ZNF799: variants seen among roughly 807,000 people sequenced by gnomAD.
The protein encoded by ZNF799 is zinc finger protein 799.
ZNF799 carries 28 observed loss-of-function variants against 41.0 expected under a neutral mutation model. The ratio of observed to expected loss-of-function variants is 0.68; its 90% CI spans 0.51 to 0.94. The LOEUF (loss-of-function observed/expected upper bound fraction) is 0.94. ZNF799 is among the 40% of genes least tolerant of loss of function. ZNF799 has a pLI of 0.00. For missense variants in ZNF799, 716 were observed against 764.3 expected, an observed-to-expected ratio of 0.94 and a Z score of 0.74; for synonymous variants, 213 against 252.9, an observed-to-expected ratio of 0.84 and a Z score of 1.50.
At position 12,391,084 on chromosome 19, in the gene ZNF799, CCTTCGAAGAGAACTGGAAATACGGTAGG is replaced by C. The variant is rs1969805569; in HGVS notation, c.1286_1313del (p.Ala429GlyfsTer82). 6.2e-7 allele frequency: 1 copy of C among 1,613,934 alleles called. No homozygotes were observed. The highest frequency in any genetic ancestry group is 8.5e-7 in the Non-Finnish European group (1 of 1,180,004). The stretch of plus-strand genomic sequence containing the variant: ...TCTCTCCAGTATGAGTTGTTTCATG[CCTTCGAAGAGAACTGGAAATACGGTAGG>C]CTTTGCCACATTGTTTACATTTATA... On this transcript the variant is annotated frameshift_variant, in exon 4 of 4. Transcript: ENST00000430385. LOFTEE classifies it high-confidence loss of function.
At chr19:12,407,985 T>G in the ZNF799 span, among the ~76,000 whole-genome samples, 2 of 152,224 alleles carry the variant, frequency 1.3e-5, no homozygotes, top group South Asian at 4.1e-4. Context: ...AGTGAAACCC[T>G]GTCTCTATAA....
At position 12,390,951 on chromosome 19, in the gene ZNF799, T is replaced by G; in HGVS notation, c.1447A>C (p.Lys483Gln). The change falls in exon 4 of 4, where the codon AAA becomes CAA. Residue 483 changes from lysine (K) to glutamine (Q), a missense_variant. Around this residue, in one of 2 missense-constraint regions of ZNF799, gnomAD observed 698 missense variants for 713.6 expected, o/e 0.98. Transcript: ENST00000430385. ...AGGTATTGGAAACAACTGAATGCTT[T>G]CCCACATTCCTTACACTCATATGGC... is the stretch of plus-strand genomic sequence containing the variant. ...EKPYECKECGKAFSCFQYLSQ... is the reference protein window; with the variant it reads ...EKPYECKECGQAFSCFQYLSQ... 6.2e-7 allele frequency: 1 copy of G among 1,614,136 alleles called. No individual in the cohort carries two copies. Among genetic ancestry groups the G allele is most frequent in the East Asian group, 2.2e-5 (1 of 44,878 alleles).
chr19:12,403,706 C>G (rs143329787), upstream of ZNF799, among the ~76,000 whole-genome samples: 274 of 152,224 alleles, frequency 1.8e-3, 3 homozygotes, highest in Admixed American at 0.012. Context: ...GCACCCACCA[C>G]CATGTCTGGT....
intron 1 of ZNF799, among the ~76,000 whole-genome samples, chr19:12,398,992 A>G (rs1187691641): frequency 2.0e-5 from 3 of 152,212 alleles, no homozygotes; most frequent in Non-Finnish European, 4.4e-5. Context: ...TACTTATACA[A>G]TTTATTTTCT....
chr19:12,394,618 T>A (rs1638617074), intron 1 of ZNF799: 1 of 985,106 alleles, frequency 1.0e-6, no homozygotes, highest in African/African-American at 1.7e-5. Flanking sequence ...TTACACCACC[T>A]CAAAGGAAAA....
the ZNF799 span, among the ~76,000 whole-genome samples, chr19:12,407,482 AG>A: frequency 6.1e-4 from 92 of 150,504 alleles, no homozygotes; most frequent in African/African-American, 2.1e-3. Flanking sequence ...AGAGAGAGAG[AG>A]AGAAAAAAAA....
upstream of ZNF799, among the ~76,000 whole-genome samples, chr19:12,403,556 T>A (rs1321581736): frequency 7.2e-6 from 1 of 139,808 alleles, no homozygotes; most frequent in Non-Finnish European, 1.5e-5. Context: ...TTCTTCTTCT[T>A]TTTTTTTTTG....
chr19:12,390,154 T>C lies in ZNF799; in HGVS notation c.*312A>G. ...CCTAAACAATACAATAGAACAACTA[T>C]TTGCATAGCTTTTACAATGCATGAG... is the stretch of plus-strand genomic sequence containing the variant. On this transcript the variant is annotated 3_prime_UTR_variant, in exon 4 of 4. Transcript: ENST00000430385. 2.0e-6 allele frequency: 1 copy of C among 490,868 alleles called. No individual in the cohort carries two copies. The highest frequency in any genetic ancestry group is 3.6e-6 in the Non-Finnish European group (1 of 277,684). The allele number at this position is 490,868 out of a possible 1,614,324, so 30.4% of individuals were successfully genotyped here.
the ZNF799 span, among the ~76,000 whole-genome samples, chr19:12,411,855 T>C: frequency 2.6e-5 from 4 of 152,096 alleles, no homozygotes; most frequent in African/African-American, 9.7e-5. Context: ...TCAAGTGATC[T>C]GCCAGCCTCA....
intron 1 of ZNF799, 134 bp downstream of exon 1, chr19:12,400,934 G>A: frequency 1.9e-6 from 3 of 1,544,414 alleles, no homozygotes; most frequent in Non-Finnish European, 2.7e-6. Flanking sequence ...GCCGAGGGCC[G>A]ACCTACGCCA....
chr19:12,400,881 A>G, intron 1 of ZNF799, 187 bp downstream of exon 1: 1 of 1,035,542 alleles, frequency 9.7e-7, no homozygotes, highest in Non-Finnish European at 1.4e-6. Flanking sequence ...GGAACGGGAC[A>G]GGACGCCCGG....
At chr19:12,412,778 G>A in the ZNF799 span, among the ~76,000 whole-genome samples, 50,513 of 151,640 alleles carry the variant, frequency 0.33, 8,985 homozygotes, top group South Asian at 0.51. Flanking sequence ...GGTGGTTCAC[G>A]CCTGTAATCC....
chr19:12,393,028 A>C (rs1298734482), intron 2 of ZNF799, among the ~76,000 whole-genome samples: 1 of 150,548 alleles, frequency 6.6e-6, no homozygotes, highest in Admixed American at 6.7e-5. Flanking sequence ...TACTGTGAGA[A>C]TATACGATGT....
chr19:12,399,846 T>G (rs1184318512), intron 1 of ZNF799, among the ~76,000 whole-genome samples: 1 of 152,066 alleles, frequency 6.6e-6, no homozygotes, highest in Non-Finnish European at 1.5e-5. Flanking sequence ...GACAAGGTCT[T>G]GCCATGTTGC....
chr19:12,399,097 A>G (rs1017561257), intron 1 of ZNF799, among the ~76,000 whole-genome samples: 9 of 152,218 alleles, frequency 5.9e-5, no homozygotes, highest in African/African-American at 2.2e-4. Flanking sequence ...TTAATCAAAA[A>G]TTTAGGCTGA....
chr19:12,398,275 A>G (rs2144902857), intron 1 of ZNF799: 1 of 154,346 alleles, frequency 6.5e-6, no homozygotes, highest in East Asian at 1.9e-4. Context: ...AAAAAAAAAA[A>G]AAAAAAATTG....
At chr19:12,404,731 A>G (rs1970018177), upstream of ZNF799, among the ~76,000 whole-genome samples, 2 of 152,244 alleles carry the variant, frequency 1.3e-5, no homozygotes, top group Non-Finnish European at 2.9e-5. Context: ...CATCTACAAT[A>G]ACTCAGTCCC....
In ZNF799 at chr19:12,390,143, T is replaced by C. The variant is rs1366837085; in HGVS notation, c.*323A>G. ...TATCATGAGTCCCTAAACAATACAA[T>C]AGAACAACTATTTGCATAGCTTTTA... On this transcript the variant is annotated 3_prime_UTR_variant, in exon 4 of 4. Transcript: ENST00000430385. The C allele has an allele frequency of 6.5e-6, 3 of 462,138 alleles. No individual in the cohort carries two copies. Among genetic ancestry groups the C allele is most frequent in the African/African-American group, 5.9e-5 (3 of 51,260 alleles). 28.6% of individuals were successfully genotyped at this position (462,138 alleles called of 1,614,324 possible).
At chr19:12,412,485 T>C in the ZNF799 span, among the ~76,000 whole-genome samples, 8 of 151,578 alleles carry the variant, frequency 5.3e-5, no homozygotes, top group African/African-American at 1.9e-4. Context: ...ATCAAAGCTC[T>C]CTTTGTAGGA....
Sources: allele counts gnomAD v4.1 joint callset (sites outside exome capture counted in the v4.1 genomes callset), GRCh38; gene constraint gnomAD v4.1.1; regional missense constraint gnomAD v4.1.1; transcripts MANE v1.5; gene names NCBI Gene and HGNC (gene_info 2026-07-23, HGNC 2026-07-21).